The following PTPRG variants were observed in gnomAD, a reference collection of about 807,000 sequenced individuals.
The protein encoded by PTPRG is receptor-type tyrosine-protein phosphatase gamma.
PTPRG carries 102 observed loss-of-function variants against 165.3 expected under a neutral mutation model. The observed-to-expected ratio is 0.62, with a 90% CI of 0.53 to 0.73. The LOEUF (loss-of-function observed/expected upper bound fraction) is 0.73, where lower values mean the gene tolerates loss of function less well. PTPRG is among the 30% of genes least tolerant of loss of function. The probability of loss-of-function intolerance (pLI) is 0.00; values close to 1 mark genes in which losing one functional copy is unlikely to be tolerated. For missense variants in PTPRG, 1,866 were observed against 1,861.4 expected (o/e 1.00, Z -0.05); for synonymous variants, 675 against 669.5 (o/e 1.01, Z -0.13).
intron 2 of PTPRG, among the ~76,000 whole-genome samples, chr3:61,845,553 C>A (rs1035674141): frequency 1.2e-4 from 19 of 152,172 alleles, no homozygotes; most frequent in Admixed American, 1.1e-3. Flanking sequence ...CTTAAACTCT[C>A]ATGCAAAGCT....
intron 8 of PTPRG, among the ~76,000 whole-genome samples, chr3:62,173,984 A>C (rs925844323): frequency 6.6e-6 from 1 of 152,208 alleles, no homozygotes; most frequent in African/African-American, 2.4e-5. Context: ...AAAAATAATA[A>C]AGCTCTAGTT....
intron 4 of PTPRG, among the ~76,000 whole-genome samples, chr3:62,027,965 GT>G (rs1288389998): frequency 3.3e-5 from 5 of 152,176 alleles, no homozygotes; most frequent in African/African-American, 1.2e-4. Flanking sequence ...TTTGCAACTC[GT>G]GATTATTTAT....
chr3:61,780,942 T>G (rs1338863459), intron 2 of PTPRG, among the ~76,000 whole-genome samples: 1 of 152,236 alleles, frequency 6.6e-6, no homozygotes, highest in Non-Finnish European at 1.5e-5. Flanking sequence ...CATGATTAGC[T>G]TAGAGCTCTC....
At chr3:62,103,775 G>A (rs1205970244) in intron 5 of PTPRG, among the ~76,000 whole-genome samples, 6 of 152,202 alleles carry the variant, frequency 3.9e-5, no homozygotes, top group Admixed American at 1.3e-4. Flanking sequence ...ACGAGGCAGA[G>A]GAAGTGGGTA....
At chr3:62,201,631 G>A in intron 11 of PTPRG, 77 bp downstream of exon 11, 1 of 1,443,290 alleles carries the variant, frequency 6.9e-7, no homozygotes. Flanking sequence ...ACCACGAAGT[G>A]GCAGTATAAT....
intron 3 of PTPRG, among the ~76,000 whole-genome samples, chr3:61,992,612 C>T (rs568646053): frequency 1.7e-4 from 26 of 152,176 alleles, no homozygotes; most frequent in African/African-American, 5.5e-4. Flanking sequence ...CTCCGCCTCC[C>T]GGGTTGAAGC....
At chr3:62,029,227 TC>T (rs1699683487) in intron 4 of PTPRG, among the ~76,000 whole-genome samples, 1 of 152,160 alleles carries the variant, frequency 6.6e-6, no homozygotes, top group Non-Finnish European at 1.5e-5. Context: ...ATGTGTATCT[TC>T]TGGACACAGT....
intron 2 of PTPRG, among the ~76,000 whole-genome samples, chr3:61,827,706 G>A (rs896398201): frequency 6.6e-6 from 1 of 151,944 alleles, no homozygotes; most frequent in Non-Finnish European, 1.5e-5. Flanking sequence ...GCCTCATTAG[G>A]TTATACATAC....
At chr3:61,571,726 C>T (rs912969582) in intron 1 of PTPRG, among the ~76,000 whole-genome samples, 52 of 152,052 alleles carry the variant, frequency 3.4e-4, no homozygotes, top group African/African-American at 1.3e-3. Flanking sequence ...AATATGGTTA[C>T]TTTGTAGTAA....
At chr3:61,759,840 A>G (rs1298931294) in intron 2 of PTPRG, among the ~76,000 whole-genome samples, 1 of 151,876 alleles carries the variant, frequency 6.6e-6, no homozygotes, top group African/African-American at 2.4e-5. Context: ...GTTTTGTACT[A>G]ATAGGTCTTT....
chr3:61,985,803 G>A (rs1440951515), intron 2 of PTPRG, among the ~76,000 whole-genome samples: 1 of 152,126 alleles, frequency 6.6e-6, no homozygotes, highest in Non-Finnish European at 1.5e-5. Flanking sequence ...TTCGCAGAAG[G>A]CATCAAAAGC....
intron 17 of PTPRG, among the ~76,000 whole-genome samples, chr3:62,266,792 TA>T (rs987251215): frequency 6.8e-6 from 1 of 147,832 alleles, no homozygotes; most frequent in Admixed American, 6.9e-5. Context: ...TTTGCTATCC[TA>T]AAAAAAACAG....
intron 2 of PTPRG, among the ~76,000 whole-genome samples, chr3:61,757,717 C>T (rs2033677917): frequency 6.6e-6 from 1 of 152,096 alleles, no homozygotes; most frequent in East Asian, 1.9e-4. Context: ...TTTATTGTGT[C>T]AACACAAGGC....
At chr3:62,149,856 A>G (rs1254161476) in intron 6 of PTPRG, among the ~76,000 whole-genome samples, 1 of 151,888 alleles carries the variant, frequency 6.6e-6, no homozygotes, top group Non-Finnish European at 1.5e-5. Context: ...CCAAAAGCTG[A>G]TTTTTTCCCC....
At chr3:61,732,682 G>C (rs565928672) in intron 1 of PTPRG, among the ~76,000 whole-genome samples, 151 of 151,528 alleles carry the variant, frequency 1.0e-3, no homozygotes, top group African/African-American at 3.3e-3. Flanking sequence ...GCACTCCAGC[G>C]TGGGTGACAG....
At chr3:61,995,076 CTTTCTTTCTTTTT>C (rs2040989886) in intron 3 of PTPRG, among the ~76,000 whole-genome samples, 3 of 113,618 alleles carry the variant, frequency 2.6e-5, no homozygotes, top group Non-Finnish European at 5.3e-5. Flanking sequence ...TTTTTCTTTT[CTTTCTTTCTTTTT>C]TTTTTTTTTT....
At chr3:62,148,055 A>G (rs1404349211) in intron 6 of PTPRG, among the ~76,000 whole-genome samples, 1 of 152,088 alleles carries the variant, frequency 6.6e-6, no homozygotes, top group Non-Finnish European at 1.5e-5. Flanking sequence ...CTGAGGCAAG[A>G]TAATCACTTC....
intron 5 of PTPRG, among the ~76,000 whole-genome samples, chr3:62,099,593 T>C (rs1415878009): frequency 6.6e-6 from 1 of 152,052 alleles, no homozygotes; most frequent in East Asian, 1.9e-4. Flanking sequence ...AAAAAACTTA[T>C]GTTTTATAGA....
chr3:62,282,558 A>C (rs2886817), intron 27 of PTPRG, among the ~76,000 whole-genome samples, 169 bp from the exon 28 acceptor site: 2,829 of 148,490 alleles, frequency 0.019, 88 homozygotes, highest in African/African-American at 0.069. Flanking sequence ...AAAAAACAAA[A>C]AAAAAAAACC....
Sources: allele counts gnomAD v4.1 joint callset (sites outside exome capture counted in the v4.1 genomes callset), GRCh38; gene constraint gnomAD v4.1.1; transcripts MANE v1.5; gene names NCBI Gene and HGNC (gene_info 2026-07-23, HGNC 2026-07-21).